The following OR7C1 variants were observed in gnomAD, a reference collection of about 807,000 sequenced individuals.
The protein encoded by OR7C1 is olfactory receptor family 7 subfamily C member 1.
For missense variants in OR7C1, 324 were observed against 383.3 expected, an observed-to-expected ratio of 0.85 and a Z score of 1.29; for synonymous variants, 152 against 160.7, an observed-to-expected ratio of 0.95 and a Z score of 0.41.
At chr19:14,827,558 G>C in intron 1 of OR7C1, 1 of 1,614,162 alleles carries the variant, frequency 6.2e-7, no homozygotes, top group Middle Eastern at 1.6e-4. Flanking sequence ...GAGCTGATGA[G>C]ATTGCATGTA....
chr19:14,815,323 A>C (rs1308385656), intron 1 of OR7C1, among the ~76,000 whole-genome samples: 3 of 152,048 alleles, frequency 2.0e-5, no homozygotes, highest in Non-Finnish European at 4.4e-5. Flanking sequence ...TAAAGTCTCC[A>C]CTCCAAAGTG....
intron 1 of OR7C1, among the ~76,000 whole-genome samples, chr19:14,833,343 G>A (rs1300822286): frequency 6.6e-6 from 1 of 152,244 alleles, no homozygotes; most frequent in African/African-American, 2.4e-5. Flanking sequence ...GATGGGTATG[G>A]TGGCACTTGC....
intron 1 of OR7C1, among the ~76,000 whole-genome samples, chr19:14,834,781 T>C (rs2044868890): frequency 6.6e-6 from 1 of 152,230 alleles, no homozygotes; most frequent in African/African-American, 2.4e-5. Flanking sequence ...ATGTATGTTG[T>C]ACTTTTACAA....
chr19:14,816,401 G>A (rs2044716491), intron 1 of OR7C1, among the ~76,000 whole-genome samples: 1 of 152,164 alleles, frequency 6.6e-6, no homozygotes, highest in South Asian at 2.1e-4. Context: ...CATCTAATCA[G>A]CTGCCAGTGT....
exon 5 of OR7C1, chr19:14,799,151 C>G: frequency 6.4e-7 from 1 of 1,568,274 alleles, no homozygotes; most frequent in African/African-American, 1.4e-5. Flanking sequence ...AAAAGTGCCT[C>G]CCAATGGTCC....
chr19:14,828,259 C>CAG (rs746661340), intron 1 of OR7C1: 62 of 1,584,398 alleles, frequency 3.9e-5, no homozygotes, highest in East Asian at 1.4e-4. Context: ...AAGTGACTAT[C>CAG]AGAGAGAGAG....
At chr19:14,832,648 A>G (rs1358330526) in intron 1 of OR7C1, among the ~76,000 whole-genome samples, 1 of 150,500 alleles carries the variant, frequency 6.6e-6, no homozygotes, top group Non-Finnish European at 1.5e-5. Context: ...GATGGTCTCG[A>G]TCTCCTGACC....
intron 2 of OR7C1, among the ~76,000 whole-genome samples, chr19:14,803,198 T>G (rs925182759): frequency 2.8e-4 from 42 of 150,516 alleles, no homozygotes; most frequent in Non-Finnish European, 5.6e-4. Flanking sequence ...TCCCAGCTAC[T>G]TGGGAGCCTG....
chr19:14,801,088 G>T (rs1031232903), intron 2 of OR7C1, among the ~76,000 whole-genome samples: 2 of 152,164 alleles, frequency 1.3e-5, no homozygotes, highest in South Asian at 4.1e-4. Context: ...TCCAGACAAT[G>T]TAGCAGCTTC....
intron 1 of OR7C1, among the ~76,000 whole-genome samples, chr19:14,833,821 CGG>C (rs1470605934): frequency 7.6e-6 from 1 of 132,366 alleles, no homozygotes; most frequent in Non-Finnish European, 1.7e-5. Flanking sequence ...TCAGCCTGAG[CGG>C]GGATGGAGTG....
intron 1 of OR7C1, among the ~76,000 whole-genome samples, chr19:14,813,571 C>T (rs890376803): frequency 6.6e-6 from 1 of 151,950 alleles, no homozygotes; most frequent in Non-Finnish European, 1.5e-5. Context: ...AAGATACTAC[C>T]CGATACTGGG....
chr19:14,823,186 T>G (rs757904980), intron 1 of OR7C1, among the ~76,000 whole-genome samples: 7 of 152,108 alleles, frequency 4.6e-5, no homozygotes, highest in African/African-American at 1.2e-4. Context: ...GGTGCAGTGG[T>G]TCATGCCTGT....
chr19:14,800,935 C>G (rs2044638441), intron 2 of OR7C1, among the ~76,000 whole-genome samples, 171 bp from the exon 3 acceptor site: 1 of 152,196 alleles, frequency 6.6e-6, no homozygotes, highest in African/African-American at 2.4e-5. Context: ...CTGTCCTTTC[C>G]TCTCGGAGAC....
intron 1 of OR7C1, among the ~76,000 whole-genome samples, chr19:14,834,706 C>T (rs2044867923): frequency 6.6e-6 from 1 of 152,174 alleles, no homozygotes; most frequent in Non-Finnish European, 1.5e-5. Context: ...AAGGAAATGT[C>T]TTTACATGAC....
At chr19:14,804,311 A>G (rs950869799) in intron 2 of OR7C1, among the ~76,000 whole-genome samples, 1 of 152,212 alleles carries the variant, frequency 6.6e-6, no homozygotes, top group African/African-American at 2.4e-5. Flanking sequence ...CTGGCCATTA[A>G]GCTAACAGCC....
intron 2 of OR7C1, among the ~76,000 whole-genome samples, chr19:14,807,883 G>A (rs2044672824): frequency 6.7e-6 from 1 of 148,276 alleles, no homozygotes; most frequent in African/African-American, 2.5e-5. Flanking sequence ...GTGATAGAGC[G>A]AGACTCAGTC....
exon 5 of OR7C1, chr19:14,799,874 T>C: frequency 6.2e-7 from 1 of 1,614,186 alleles, no homozygotes; most frequent in Non-Finnish European, 8.5e-7. Flanking sequence ...GAATTTGTTC[T>C]GTGTCAGTAT....
At chr19:14,807,096 A>G (rs901800941) in intron 2 of OR7C1, among the ~76,000 whole-genome samples, 2 of 151,888 alleles carry the variant, frequency 1.3e-5, no homozygotes, top group Admixed American at 6.6e-5. Flanking sequence ...ATGAGATGGT[A>G]TCTCATTGTG....
intron 2 of OR7C1, among the ~76,000 whole-genome samples, 189 bp downstream of exon 2, chr19:14,809,615 AAG>A (rs2044681897): frequency 6.6e-6 from 1 of 151,998 alleles, no homozygotes; most frequent in Non-Finnish European, 1.5e-5. Context: ...TGGAAGCAAG[AAG>A]AAACAGAGAT....
Sources: gnomAD v4.1 joint callset for allele counts (sites outside exome capture counted in the v4.1 genomes callset) on GRCh38, gnomAD v4.1.1 for gene constraint, MANE v1.5 for transcripts, NCBI Gene and HGNC (gene_info 2026-07-23, HGNC 2026-07-21) for gene names.